Variants in HDAC4 observed in about 807,000 individuals in gnomAD.
HDAC4 encodes histone deacetylase A.
A neutral mutation model predicts 135.1 loss-of-function variants in HDAC4; 16 were observed. The ratio of observed to expected loss-of-function variants is 0.12; its 90% CI spans 0.08 to 0.18. The LOEUF is 0.18. Ranked by LOEUF, HDAC4 falls within the 10% of genes least tolerant of loss-of-function variation. The pLI, the probability that HDAC4 is intolerant of heterozygous loss-of-function variation, is 1.00. For synonymous variants in HDAC4, 685 were observed against 653.4 expected (o/e 1.05, Z -0.74); for missense variants, 1,143 against 1,511.8 (o/e 0.76, Z 4.05).
At chr2:239,242,104 G>GA (rs1363943220) in intron 2 of HDAC4, among the ~76,000 whole-genome samples, 1 of 128,894 alleles carries the variant, frequency 7.8e-6, no homozygotes, top group Non-Finnish European at 1.6e-5. Flanking sequence ...GAAGGAAGGA[G>GA]AAAAAAAGAA....
intron 9 of HDAC4, among the ~76,000 whole-genome samples, chr2:239,138,365 T>C (rs2041116870): frequency 6.6e-6 from 1 of 152,230 alleles, no homozygotes; most frequent in Non-Finnish European, 1.5e-5. Flanking sequence ...AAATTTGAAA[T>C]GAAAATGCTA....
At chr2:239,171,264 C>T (rs1373604925) in intron 5 of HDAC4, among the ~76,000 whole-genome samples, 2 of 150,574 alleles carry the variant, frequency 1.3e-5, no homozygotes, top group African/African-American at 2.4e-5. Context: ...AATAACTGCA[C>T]TACGTGCAGA....
At position 239,115,427 on chromosome 2, in the gene HDAC4, A is replaced by T; in HGVS notation, c.1534-117T>A. 1 of 1,274,792 alleles carries T rather than the reference A, an allele frequency of 7.8e-7. No homozygotes were observed. The highest frequency in any genetic ancestry group is 1.1e-6 in the Non-Finnish European group (1 of 904,806). 79.0% of individuals were successfully genotyped at this position (1,274,792 alleles called of 1,614,324 possible). A position where few individuals can be genotyped will look rare whatever the true frequency, so the allele number is the denominator to read the frequency against. On this transcript the variant is annotated intron_variant, in intron 12 of 26. Coordinates refer to ENST00000543185, the MANE Select transcript of HDAC4 (RefSeq NM_001378414.1). The surrounding 1 kb of genome is among the most constrained non-coding windows in gnomAD (Gnocchi z 6.3). ...GGGCAGACAATCAGGGACTCAGGGC[A>T]CCTTATCACCCTGCCACAGGCCAGC...
At chr2:239,143,281 A>T (rs1248390414) in intron 8 of HDAC4, among the ~76,000 whole-genome samples, 2 of 152,094 alleles carry the variant, frequency 1.3e-5, no homozygotes, top group Non-Finnish European at 2.9e-5. Context: ...CAACAAAAAA[A>T]CGCAAAGGTT....
intron 24 of HDAC4, among the ~76,000 whole-genome samples, chr2:239,066,066 C>T (rs2033431318): frequency 6.6e-6 from 1 of 152,222 alleles, no homozygotes; most frequent in South Asian, 2.1e-4. Context: ...CTGGTGGAGG[C>T]CCTGCTGGGA....
intron 2 of HDAC4, among the ~76,000 whole-genome samples, chr2:239,241,540 T>C (rs1182092356): frequency 1.3e-5 from 2 of 152,240 alleles, no homozygotes; most frequent in African/African-American, 4.8e-5. Flanking sequence ...TAATCCTCTG[T>C]CAATTAAATG....
chr2:239,077,030 C>A (rs150990095), intron 22 of HDAC4, among the ~76,000 whole-genome samples: 8 of 152,204 alleles, frequency 5.3e-5, no homozygotes, highest in Non-Finnish European at 1.2e-4. Context: ...GGCCCTGTCC[C>A]AATCTCTGCC....
chr2:239,292,660 A>G (rs147464976), intron 2 of HDAC4, among the ~76,000 whole-genome samples: 21 of 152,208 alleles, frequency 1.4e-4, no homozygotes, highest in Non-Finnish European at 2.9e-4. Flanking sequence ...ATAAGGCATG[A>G]TCCAGTGTCA....
intron 2 of HDAC4, among the ~76,000 whole-genome samples, chr2:239,244,224 G>C (rs779354947): frequency 6.6e-6 from 1 of 152,184 alleles, no homozygotes; most frequent in African/African-American, 2.4e-5. Flanking sequence ...AAACCACTTG[G>C]TTCTCGTGTC....
In HDAC4 at chr2:239,108,080, C is replaced by T. The variant is rs370412351; in HGVS notation, c.2082G>A (p.Leu694=). 6.2e-7 allele frequency: 1 copy of T among 1,610,916 alleles called. No homozygotes were observed. The highest frequency in any genetic ancestry group is 8.5e-7 in the Non-Finnish European group (1 of 1,179,872). ...ATTTGCCCCGGAGGCCCGTCTCCTG[C>T]AGGCGGGACCAGATGCTCTGGATCC... ...AGRIQSIWSR[L]QETGLRGKCE... is the part of the protein sequence containing the mutation. Residue 694 remains leucine (L), a synonymous_variant, in exon 15 of 27, where the codon CTG becomes CTA. Coordinates refer to ENST00000543185, the MANE Select transcript of HDAC4 (RefSeq NM_001378414.1).
chr2:239,344,951 C>T (rs1161676865), intron 2 of HDAC4, among the ~76,000 whole-genome samples: 1 of 152,094 alleles, frequency 6.6e-6, no homozygotes, highest in Non-Finnish European at 1.5e-5. Flanking sequence ...CCGCAGGGGC[C>T]ATGAACAAGC....
At chr2:239,185,648 A>G (rs2044502587) in intron 4 of HDAC4, among the ~76,000 whole-genome samples, 1 of 152,122 alleles carries the variant, frequency 6.6e-6, no homozygotes, top group Non-Finnish European at 1.5e-5. Context: ...TGCTCTAGCC[A>G]TGGCTTCGTG....
intron 11 of HDAC4, among the ~76,000 whole-genome samples, chr2:239,132,105 TG>T (rs1403567288): frequency 1.3e-5 from 2 of 151,550 alleles, no homozygotes; most frequent in African/African-American, 4.9e-5. Context: ...TGAGAGAGCA[TG>T]GGAGGTGGCA....
intron 1 of HDAC4, among the ~76,000 whole-genome samples, chr2:239,374,104 G>A (rs947381729): frequency 6.6e-5 from 10 of 152,204 alleles, no homozygotes; most frequent in Admixed American, 2.0e-4. Context: ...ATGCTATGGC[G>A]TCCGCAGAAC....
intron 8 of HDAC4, 142 bp downstream of exon 8, chr2:239,144,441 G>C (rs556912747): frequency 1.8e-6 from 2 of 1,109,496 alleles, no homozygotes; most frequent in East Asian, 4.7e-5. Flanking sequence ...CACTTCCAGC[G>C]CCATGGGAAC....
intron 3 of HDAC4, among the ~76,000 whole-genome samples, chr2:239,229,076 A>C (rs978547384): frequency 2.0e-5 from 3 of 152,196 alleles, no homozygotes; most frequent in African/African-American, 7.2e-5. Flanking sequence ...TGGGAGGCAG[A>C]GGTGGCAGTG....
chr2:239,225,365 C>T (rs1292241726), intron 3 of HDAC4, among the ~76,000 whole-genome samples: 6 of 152,158 alleles, frequency 3.9e-5, no homozygotes, highest in East Asian at 1.9e-4. Context: ...CAAGCATATC[C>T]GAATAAATGC....
intron 15 of HDAC4, among the ~76,000 whole-genome samples, chr2:239,104,981 G>C (rs560685020): frequency 3.3e-5 from 5 of 152,332 alleles, no homozygotes; most frequent in African/African-American, 9.6e-5. Flanking sequence ...GCGCGACACC[G>C]CAAGGGCTCG....
intron 4 of HDAC4, among the ~76,000 whole-genome samples, chr2:239,183,984 C>T (rs1575327259): frequency 6.7e-6 from 1 of 149,774 alleles, no homozygotes; most frequent in Middle Eastern, 3.5e-3. Context: ...AAACTCTCTC[C>T]TATCCACTGT....
Sources: allele counts gnomAD v4.1 joint callset (sites outside exome capture counted in the v4.1 genomes callset), GRCh38; gene constraint gnomAD v4.1.1; non-coding constraint Gnocchi (gnomAD v3.1); transcripts MANE v1.5; gene names NCBI Gene and HGNC (gene_info 2026-07-23, HGNC 2026-07-21).